Variants in SYNE3 observed in about 807,000 individuals in gnomAD.
SYNE3 encodes spectrin repeat containing nuclear envelope family member 3, also known as nesprin-3.
A neutral mutation model predicts 111.2 loss-of-function variants in SYNE3; 100 were observed. The ratio of observed to expected loss-of-function variants is 0.90; its 90% CI spans 0.77 to 1.06. The LOEUF (loss-of-function observed/expected upper bound fraction) is 1.06, where lower values mean the gene tolerates loss of function less well. Ranked by LOEUF, SYNE3 falls within the 50% of genes least tolerant of loss-of-function variation. SYNE3 has a pLI of 0.00. For synonymous variants in SYNE3, 547 were observed against 533.9 expected (o/e 1.02, Z -0.34); for missense variants, 1,160 against 1,240.3 (o/e 0.94, Z 0.97).
chr14:95,422,113 T>C (rs1885161888), intron 17 of SYNE3, among the ~76,000 whole-genome samples: 1 of 152,140 alleles, frequency 6.6e-6, no homozygotes, highest in Non-Finnish European at 1.5e-5. Flanking sequence ...ACCATGAATA[T>C]AAGGCTCCTT....
intron 2 of SYNE3, among the ~76,000 whole-genome samples, chr14:95,475,050 C>T (rs545168051): frequency 2.6e-5 from 4 of 152,342 alleles, no homozygotes; most frequent in Non-Finnish European, 2.9e-5. Flanking sequence ...CTCCGGCCTC[C>T]GACTCTTAGC....
intron 17 of SYNE3, among the ~76,000 whole-genome samples, chr14:95,419,829 AGATGAT>A (rs1284391455): frequency 1.5e-4 from 1 of 6,520 alleles, no homozygotes; most frequent in Admixed American, 1.5e-3. Context: ...TGAGTGATAG[AGATGAT>A]GATGGTGATG....
At chr14:95,473,461 G>A (rs377180652) in intron 2 of SYNE3, among the ~76,000 whole-genome samples, 10 of 152,200 alleles carry the variant, frequency 6.6e-5, no homozygotes, top group South Asian at 4.1e-4. Flanking sequence ...TGAGAAAGGC[G>A]GAAACTGGTC....
chr14:95,436,353 G>A (rs939293846), intron 15 of SYNE3, among the ~76,000 whole-genome samples: 14 of 152,090 alleles, frequency 9.2e-5, no homozygotes, highest in Admixed American at 1.3e-4. Flanking sequence ...AGGAGTATAC[G>A]AGATGTGTAG....
At chr14:95,481,680 C>A (rs928753960) in intron 1 of SYNE3, among the ~76,000 whole-genome samples, 2 of 152,214 alleles carry the variant, frequency 1.3e-5, no homozygotes, top group Non-Finnish European at 2.9e-5. Flanking sequence ...TCTCCTGTGA[C>A]CCAGGGCAGA....
rs145467721 is a variant in SYNE3, at chr14:95,503,046, C to G, written c.-15+13550G>C. Among the ~76,000 whole-genome samples, 74 of 152,304 alleles carry G rather than the reference C, an allele frequency of 4.9e-4. 1 individual carries two copies. Among genetic ancestry groups the G allele is most frequent in the African/African-American group, 1.7e-3 (69 of 41,550 alleles). On this transcript the variant is annotated intron_variant, in intron 1 of 17. Coordinates refer to ENST00000682763, the MANE Select transcript of SYNE3 (RefSeq NM_152592.6). ...ACGGGGATGAAGAGTTACAAGAGCC[C>G]TAGCTCTCATGGGAAAGGTGCTAAT... is the stretch of plus-strand genomic sequence containing the variant.
At position 95,412,272 on chromosome 14, in the gene SYNE3, T is replaced by C. The variant is rs1034576810; in HGVS notation, c.*5554A>G. The C allele has an allele frequency of 6.6e-6, 1 of 152,360 alleles. No individual in the cohort carries two copies. The highest frequency in any genetic ancestry group is 6.5e-5 in the Admixed American group (1 of 15,290). 9.4% of individuals were successfully genotyped at this position (152,360 alleles called of 1,614,324 possible). ...GAGCTCTCCCACTGTCTCCCCTGTG[T>C]GGCTCTTCCAGTTTCTGTGACAGTG... On this transcript the variant is annotated 3_prime_UTR_variant, in exon 18 of 18. Transcript: ENST00000682763.
intron 1 of SYNE3, among the ~76,000 whole-genome samples, chr14:95,477,437 A>C (rs777307049): frequency 9.9e-5 from 15 of 152,154 alleles, no homozygotes; most frequent in Non-Finnish European, 2.1e-4. Context: ...AAGCACTTAG[A>C]ATTTACTTTA....
At chr14:95,484,232 T>C (rs1889417844) in intron 1 of SYNE3, among the ~76,000 whole-genome samples, 2 of 151,878 alleles carry the variant, frequency 1.3e-5, no homozygotes, top group South Asian at 2.1e-4. Context: ...GGGCAGAGTG[T>C]ATGCAAGGTA....
intron 1 of SYNE3, among the ~76,000 whole-genome samples, chr14:95,495,574 G>C (rs1325811166): frequency 6.6e-6 from 1 of 152,210 alleles, no homozygotes; most frequent in Non-Finnish European, 1.5e-5. Flanking sequence ...CTTCAAATCA[G>C]GGGTCATCGT....
chr14:95,458,877 A>G (rs939164481), intron 4 of SYNE3, among the ~76,000 whole-genome samples: 1 of 152,196 alleles, frequency 6.6e-6, no homozygotes, highest in African/African-American at 2.4e-5. Flanking sequence ...TTTAATAAGC[A>G]CCTATGCTAG....
chr14:95,511,738 T>A (rs61060752), intron 1 of SYNE3, among the ~76,000 whole-genome samples: 11,313 of 151,544 alleles, frequency 0.075, 1,285 homozygotes, highest in African/African-American at 0.25. Flanking sequence ...ATAAATAAAT[T>A]AAATAAAATA....
Position 95,410,125 on chromosome 14 carries a change from C to G in SYNE3, c.*7701G>C, listed in dbSNP as rs1044729417. Reference sequence around the variant, plus strand: ...CTGGGCAGATCTATTTGTCGGTTCCCAAGCCTTGCAGGAAGAATGTCTACA... The same window carrying G: ...CTGGGCAGATCTATTTGTCGGTTCCGAAGCCTTGCAGGAAGAATGTCTACA... On this transcript the variant is annotated 3_prime_UTR_variant, in exon 18 of 18. Coordinates refer to ENST00000682763, the MANE Select transcript of SYNE3 (RefSeq NM_152592.6). 1 of 152,788 alleles carries G rather than the reference C, an allele frequency of 6.5e-6. No individual in the cohort carries two copies. The highest frequency in any genetic ancestry group is 1.5e-5 in the Non-Finnish European group (1 of 68,528). The allele number at this position is 152,788 out of a possible 1,614,324, so 9.5% of individuals were successfully genotyped here.
At chr14:95,514,815 G>A (rs1221963456) in intron 1 of SYNE3, among the ~76,000 whole-genome samples, 2 of 152,202 alleles carry the variant, frequency 1.3e-5, no homozygotes, top group African/African-American at 2.4e-5. Context: ...TGCTTTTGAC[G>A]TTGAGCTGGG....
chr14:95,441,950 G>T (rs186430897), intron 11 of SYNE3, among the ~76,000 whole-genome samples: 2 of 152,258 alleles, frequency 1.3e-5, no homozygotes, highest in East Asian at 3.9e-4. Context: ...TGCAGAATTT[G>T]CCCACATCCC....
At chr14:95,418,057 G>A in intron 17 of SYNE3, 31 bp from the exon 18 acceptor site, 2 of 1,601,534 alleles carry the variant, frequency 1.2e-6, no homozygotes, top group Middle Eastern at 2.3e-4. Context: ...AGGTGAGTGG[G>A]CTGGGGGGCT....
At chr14:95,463,500 G>A (rs61751902) in intron 4 of SYNE3, among the ~76,000 whole-genome samples, 1,977 of 152,324 alleles carry the variant, frequency 0.013, 37 homozygotes, top group African/African-American at 0.045. Flanking sequence ...TGCACCAGGC[G>A]CTCTCTGCTG....
Position 95,455,380 on chromosome 14 carries a change from G to A in SYNE3, c.1134C>T (p.Tyr378=), listed in dbSNP as rs1887350551. Residue 378 remains tyrosine, a synonymous_variant, in exon 6 of 18, where the codon TAC becomes TAT. Transcript: ENST00000682763. ...EDELVAHWRR[Y]SATRAALASE... is the part of the protein sequence containing the mutation. ...TGACTCGGCCAAGCACGCTTACCGA[G>A]TAGCGTCTCCAGTGTGCCACCAGCT... 1 of 1,532,456 alleles carries A rather than the reference G, an allele frequency of 6.5e-7. No homozygotes were observed. The highest frequency in any genetic ancestry group is 1.3e-5 in the South Asian group (1 of 78,200). 94.9% of individuals were successfully genotyped at this position (1,532,456 alleles called of 1,614,324 possible).
intron 1 of SYNE3, among the ~76,000 whole-genome samples, chr14:95,491,537 A>ATT (rs1402579198): frequency 6.6e-6 from 1 of 152,194 alleles, no homozygotes; most frequent in African/African-American, 2.4e-5. Flanking sequence ...AAAGAATGAG[A>ATT]TTAGACTCTT....
Sources: allele counts gnomAD v4.1 joint callset (sites outside exome capture counted in the v4.1 genomes callset), GRCh38; gene constraint gnomAD v4.1.1; transcripts MANE v1.5; gene names NCBI Gene and HGNC (gene_info 2026-07-23, HGNC 2026-07-21).